RFX3: variants seen among roughly 807,000 people sequenced by gnomAD.
The protein encoded by RFX3 is regulatory factor X3.
RFX3 carries 14 observed loss-of-function variants against 98.6 expected under a neutral mutation model. The observed-to-expected ratio is 0.14, with a 90% CI of 0.09 to 0.22. RFX3 has a LOEUF of 0.22. RFX3 is among the 10% of genes least tolerant of loss of function. The pLI is 1.00. For synonymous variants in RFX3, 383 were observed against 328.4 expected, an observed-to-expected ratio of 1.17 and a Z score of -1.80; for missense variants, 639 against 926.9, an observed-to-expected ratio of 0.69 and a Z score of 4.03.
chr9:3,418,279 T>G (rs1344037619), intron 1 of RFX3, among the ~76,000 whole-genome samples: 2 of 152,262 alleles, frequency 1.3e-5, no homozygotes, highest in Admixed American at 6.5e-5. Context: ...AACAAGTTAC[T>G]GCTTTCTGTG....
intron 1 of RFX3, among the ~76,000 whole-genome samples, chr9:3,440,450 T>C (rs989557631): frequency 2.6e-4 from 40 of 152,084 alleles, no homozygotes; most frequent in African/African-American, 9.4e-4. Context: ...TTACTAGTTA[T>C]TAAAACCTAA....
In RFX3 at chr9:3,377,646, G is replaced by A. The variant is rs994306384; in HGVS notation, c.117+17826C>T. On this transcript the variant is annotated intron_variant, in intron 2 of 16. Coordinates refer to ENST00000617270, the MANE Select transcript of RFX3 (RefSeq NM_001282116.2). ...TTTATTGGAAATTCAAATAAAAGTCGTGGAAAATATAAAGCGATCTAAATA... is the reference window on the plus strand; with the variant it reads ...TTTATTGGAAATTCAAATAAAAGTCATGGAAAATATAAAGCGATCTAAATA... 5.9e-5 allele frequency among the ~76,000 whole-genome samples: 9 copies of A among 152,218 alleles called. No homozygotes were observed. In the South Asian group the frequency reaches 1.9e-3, roughly 32 times the overall value.
chr9:3,441,695 G>A (rs1845624215), intron 1 of RFX3, among the ~76,000 whole-genome samples: 1 of 151,942 alleles, frequency 6.6e-6, no homozygotes, highest in Non-Finnish European at 1.5e-5. Flanking sequence ...ATAAAATGAG[G>A]CCATACTGAT....
intron 2 of RFX3, among the ~76,000 whole-genome samples, chr9:3,379,681 C>A (rs770864791): frequency 6.6e-6 from 1 of 152,046 alleles, no homozygotes; most frequent in South Asian, 2.1e-4. Flanking sequence ...CACACACACA[C>A]AGAGATAACT....
At chr9:3,443,379 C>T (rs1255852740) in intron 1 of RFX3, among the ~76,000 whole-genome samples, 3 of 152,148 alleles carry the variant, frequency 2.0e-5, no homozygotes, top group Non-Finnish European at 2.9e-5. Context: ...CAACAGGCCC[C>T]AGTGAATGTT....
chr9:3,277,611 G>C, intron 7 of RFX3, 150 bp from the exon 8 acceptor site: 1 of 603,654 alleles, frequency 1.7e-6, no homozygotes, highest in Non-Finnish European at 2.7e-6. Context: ...GTCTCATAAA[G>C]TTAGAAGGCA....
At chr9:3,512,907 T>C (rs1240081746) in intron 1 of RFX3, among the ~76,000 whole-genome samples, 10 of 152,098 alleles carry the variant, frequency 6.6e-5, no homozygotes, top group Admixed American at 4.6e-4. Context: ...TCCAACACTT[T>C]TTTATCCTTC....
chr9:3,345,228 GA>G (rs374445609), intron 3 of RFX3, among the ~76,000 whole-genome samples: 12 of 152,118 alleles, frequency 7.9e-5, no homozygotes, highest in African/African-American at 2.9e-4. Context: ...TGGGTTTAGG[GA>G]GACTGGGAGG....
rs369503286 is a variant in RFX3 at position 3,287,678 on chromosome 9, C to G, written c.851+453G>C. 5.9e-5 allele frequency among the ~76,000 whole-genome samples: 9 copies of G among 152,050 alleles called. No homozygotes were observed. The South Asian group carries it at 1.9e-3, about 32-fold the overall frequency. On this transcript the variant is annotated intron_variant, in intron 7 of 16. Coordinates refer to ENST00000617270, the MANE Select transcript of RFX3 (RefSeq NM_001282116.2). ...TGAATGCTTGAGATCTCTTACAACT[C>G]TAATATCAGCAATTCTGTATCTATG...
At chr9:3,323,669 C>T (rs754694395) in intron 4 of RFX3, among the ~76,000 whole-genome samples, 4 of 152,132 alleles carry the variant, frequency 2.6e-5, no homozygotes, top group Admixed American at 6.6e-5. Flanking sequence ...GTTACCCATA[C>T]ACCTGTGTTC....
chr9:3,395,591 T>C lies in RFX3; in HGVS notation c.-3A>G, dbSNP rs761808294. ...GACCCAGTCTCTGATGTCTGCATGA[T>C]GGTCTCTGAAATAGATTAAAATGAA... On this transcript the variant is annotated 5_prime_UTR_variant, in exon 2 of 17. Transcript: ENST00000617270. 19 of 1,613,914 alleles carry C rather than the reference T, an allele frequency of 1.2e-5. No individual in the cohort carries two copies. Among genetic ancestry groups the C allele is most frequent in the South Asian group, 3.3e-5 (3 of 91,086 alleles).
intron 1 of RFX3, among the ~76,000 whole-genome samples, chr9:3,419,713 C>A (rs1843282828): frequency 6.6e-6 from 1 of 152,190 alleles, no homozygotes. Flanking sequence ...TCTAGTCCCT[C>A]ATATAAAATT....
intron 1 of RFX3, among the ~76,000 whole-genome samples, chr9:3,502,352 G>A (rs913679298): frequency 6.6e-5 from 10 of 151,654 alleles, no homozygotes; most frequent in African/African-American, 2.2e-4. Flanking sequence ...GCTGATTTTT[G>A]AAATCAATAA....
intron 4 of RFX3, among the ~76,000 whole-genome samples, chr9:3,314,283 G>C (rs1368445255): frequency 6.6e-6 from 1 of 152,052 alleles, no homozygotes; most frequent in Non-Finnish European, 1.5e-5. Context: ...AGCTTCATAA[G>C]TGAAAGAGAA....
intron 15 of RFX3, among the ~76,000 whole-genome samples, chr9:3,242,462 T>C (rs1220544560): frequency 1.3e-5 from 2 of 152,170 alleles, no homozygotes; most frequent in Non-Finnish European, 2.9e-5. Flanking sequence ...GCTTTTAAAA[T>C]ACTGTTGTAA....
intron 1 of RFX3, among the ~76,000 whole-genome samples, chr9:3,431,528 T>G (rs1289584480): frequency 6.6e-6 from 1 of 152,190 alleles, no homozygotes; most frequent in East Asian, 1.9e-4. Flanking sequence ...AACCCCGCAC[T>G]TTTTGCAAAT....
chr9:3,512,037 T>A (rs1383243803), intron 1 of RFX3, among the ~76,000 whole-genome samples: 1 of 152,098 alleles, frequency 6.6e-6, no homozygotes, highest in Admixed American at 6.6e-5. Context: ...ATGCTTTGTA[T>A]GCATGTATCG....
intron 4 of RFX3, among the ~76,000 whole-genome samples, chr9:3,309,584 G>C (rs3012698): frequency 0.015 from 2,311 of 151,428 alleles, 60 homozygotes; most frequent in African/African-American, 0.052. Flanking sequence ...AGAGAATGGG[G>C]GTGGGGAGGA....
chr9:3,394,096 G>C (rs1840601747), intron 2 of RFX3, among the ~76,000 whole-genome samples: 1 of 152,170 alleles, frequency 6.6e-6, no homozygotes, highest in Non-Finnish European at 1.5e-5. Flanking sequence ...TAAACTGGTA[G>C]CTTGAGGGAT....
Sources: allele counts gnomAD v4.1 joint callset (sites outside exome capture counted in the v4.1 genomes callset), GRCh38; gene constraint gnomAD v4.1.1; transcripts MANE v1.5; gene names NCBI Gene and HGNC (gene_info 2026-07-23, HGNC 2026-07-21).